The following FYB2 variants were observed in gnomAD, a reference collection of about 807,000 sequenced individuals.
The protein encoded by FYB2 is FYN-binding protein 2.
Under a neutral mutation model 94.1 loss-of-function variants are expected in FYB2, and 103 were observed. The ratio of observed to expected loss-of-function variants is 1.09; its 90% confidence interval spans 0.93 to 1.29. The LOEUF is 1.29. Ranked by LOEUF, FYB2 falls within the 50% of genes most tolerant of loss-of-function variation. FYB2 has a pLI of 0.00. For synonymous variants in FYB2, 293 were observed against 287.9 expected, an observed-to-expected ratio of 1.02 and a Z score of -0.18; for missense variants, 896 against 841.5, an observed-to-expected ratio of 1.06 and a Z score of -0.80.
intron 1 of FYB2, among the ~76,000 whole-genome samples, chr1:56,810,858 G>A (rs1291905658): frequency 2.6e-5 from 4 of 152,140 alleles, no homozygotes; most frequent in Non-Finnish European, 5.9e-5. Flanking sequence ...TTTTTTGGAA[G>A]GGAGTTGTAT....
intron 4 of FYB2, among the ~76,000 whole-genome samples, chr1:56,786,945 A>T (rs914452444): frequency 6.6e-6 from 1 of 152,216 alleles, no homozygotes; most frequent in Non-Finnish European, 1.5e-5. Flanking sequence ...TAATAAAAAA[A>T]GGACCTCTGA....
intron 9 of FYB2, among the ~76,000 whole-genome samples, chr1:56,746,730 G>T (rs1460517927): frequency 6.6e-6 from 1 of 151,872 alleles, no homozygotes; most frequent in African/African-American, 2.4e-5. Context: ...CCAATTTGGG[G>T]CTATTACAAA....
chr1:56,771,092 T>A (rs184768139), intron 4 of FYB2, among the ~76,000 whole-genome samples: 267 of 152,270 alleles, frequency 1.8e-3, no homozygotes, highest in African/African-American at 6.1e-3. Context: ...AGTTGATTAG[T>A]TAGTATTGTT....
intron 1 of FYB2, among the ~76,000 whole-genome samples, chr1:56,813,212 C>T (rs1646806799): frequency 6.6e-6 from 1 of 152,148 alleles, no homozygotes; most frequent in Admixed American, 6.5e-5. Flanking sequence ...ATGTATTAGT[C>T]CGTTCTTACG....
the FYB2 span, among the ~76,000 whole-genome samples, chr1:56,826,354 G>C: frequency 7.2e-5 from 11 of 152,116 alleles, no homozygotes; most frequent in Admixed American, 4.6e-4. Flanking sequence ...TGCCTACAGG[G>C]GCAAGTCCAA....
At position 56,756,545 on chromosome 1, in the gene FYB2, T is replaced by TA. The variant is rs564322630; in HGVS notation, c.1099-619dup. 6.6e-5 allele frequency among the ~76,000 whole-genome samples: 10 copies of TA among 152,240 alleles called. No individual in the cohort carries two copies. The East Asian group carries it at 1.9e-3, about 29-fold the overall frequency. On this transcript the variant is annotated intron_variant, in intron 6 of 19. Coordinates refer to ENST00000343433, the MANE Select transcript of FYB2 (RefSeq NM_001004303.5). ...ATGCCATCACAAAATCCAGGTATCA[T>TA]AGCTCATTATACTCTCCTTTGAGGG... is the stretch of plus-strand genomic sequence containing the variant.
intron 5 of FYB2, among the ~76,000 whole-genome samples, chr1:56,762,556 AT>A (rs1233144380): frequency 6.6e-6 from 1 of 152,084 alleles, no homozygotes; most frequent in Non-Finnish European, 1.5e-5. Context: ...AATATAATTG[AT>A]TTTTTTGTAC....
chr1:56,820,220 C>G (rs1646974724), upstream of FYB2, among the ~76,000 whole-genome samples: 1 of 121,706 alleles, frequency 8.2e-6, no homozygotes, highest in Admixed American at 8.1e-5. Flanking sequence ...GAGTGAGACT[C>G]CGTCTCAAAA....
chr1:56,750,588 C>A (rs984372586), intron 9 of FYB2, among the ~76,000 whole-genome samples: 3 of 151,764 alleles, frequency 2.0e-5, no homozygotes, highest in Admixed American at 2.0e-4. Context: ...AAAATGCAAC[C>A]TGAATAAAGT....
intron 1 of FYB2, among the ~76,000 whole-genome samples, chr1:56,796,668 T>A (rs945536575): frequency 2.6e-5 from 4 of 152,132 alleles, no homozygotes; most frequent in Admixed American, 6.5e-5. Flanking sequence ...CCCATCCTAA[T>A]CCCGACCCTC....
chr1:56,759,746 G>C (rs2100757268), intron 5 of FYB2, among the ~76,000 whole-genome samples: 1 of 152,160 alleles, frequency 6.6e-6, no homozygotes, highest in South Asian at 2.1e-4. Flanking sequence ...TTGACCAATT[G>C]GTACCTGCCT....
chr1:56,754,632 A>G (rs1645281565), intron 7 of FYB2, among the ~76,000 whole-genome samples: 1 of 152,052 alleles, frequency 6.6e-6, no homozygotes, highest in Non-Finnish European at 1.5e-5. Context: ...TGGTTTTTGC[A>G]CCTCACTTCT....
At chr1:56,786,318 T>A (rs1414689619) in intron 4 of FYB2, among the ~76,000 whole-genome samples, 1 of 152,248 alleles carries the variant, frequency 6.6e-6, no homozygotes, top group Non-Finnish European at 1.5e-5. Flanking sequence ...AATGGAGAAC[T>A]GATACTTCTT....
At chr1:56,751,950 G>A (rs1013168117) in intron 8 of FYB2, among the ~76,000 whole-genome samples, 2 of 151,950 alleles carry the variant, frequency 1.3e-5, no homozygotes, top group Non-Finnish European at 2.9e-5. Context: ...AGAAGACCTC[G>A]AAAAGCAGAT....
chr1:56,749,055 GTT>G (rs60812894), intron 9 of FYB2, among the ~76,000 whole-genome samples: 4 of 141,894 alleles, frequency 2.8e-5, no homozygotes, highest in African/African-American at 1.0e-4. Context: ...ACTCAGTTGT[GTT>G]TTTTTTTTTT....
intron 4 of FYB2, among the ~76,000 whole-genome samples, chr1:56,785,872 G>T (rs1229789893): frequency 2.6e-5 from 4 of 152,120 alleles, no homozygotes; most frequent in African/African-American, 9.7e-5. Context: ...CTGCATCCCT[G>T]CTTTTTGCCA....
At position 56,771,787 on chromosome 1, in the gene FYB2, T is replaced by C. The variant is rs1570092257; in HGVS notation, c.954-3849A>G. Among the ~76,000 whole-genome samples the C allele has an allele frequency of 2.0e-5, 3 of 152,202 alleles. No individual in the cohort carries two copies. The South Asian group carries it at 6.2e-4, about 31-fold the overall frequency. On this transcript the variant is annotated intron_variant, in intron 4 of 19. Transcript: ENST00000343433. ...TAGTCTTCCTGATTTTTCATTTATA[T>C]GTGTATTCACATAGTTGTTAGACAG...
At chr1:56,754,391 T>C (rs544630427) in intron 7 of FYB2, among the ~76,000 whole-genome samples, 2 of 152,210 alleles carry the variant, frequency 1.3e-5, no homozygotes, top group South Asian at 4.1e-4. Flanking sequence ...CTTCATGATA[T>C]AGCTAAATCA....
intron 4 of FYB2, among the ~76,000 whole-genome samples, chr1:56,773,405 CCATTT>C (rs1224986230): frequency 6.6e-5 from 10 of 152,170 alleles, no homozygotes; most frequent in African/African-American, 2.4e-4. Flanking sequence ...TTAATAGCTA[CCATTT>C]CTTGAGGGCT....
Sources: gnomAD v4.1 joint callset for allele counts (sites outside exome capture counted in the v4.1 genomes callset) on GRCh38, gnomAD v4.1.1 for gene constraint, MANE v1.5 for transcripts, NCBI Gene and HGNC (gene_info 2026-07-23, HGNC 2026-07-21) for gene names.